The following DCAF8L2 variants were observed in gnomAD, a reference collection of about 807,000 sequenced individuals.
DCAF8L2 encodes DDB1 and CUL4 associated factor 8 like 2.
For synonymous variants in DCAF8L2, 200 were observed against 190.9 expected, an observed-to-expected ratio of 1.05 and a Z score of -0.39; for missense variants, 430 against 490.7, an observed-to-expected ratio of 0.88 and a Z score of 1.17.
the DCAF8L2 span, among the ~76,000 whole-genome samples, chrX:27,582,011 T>A: frequency 1.8e-5 from 2 of 112,483 alleles, no homozygotes; most frequent in African/African-American, 6.5e-5. Flanking sequence ...AGTTGTTCAC[T>A]TGAAGTAGTA....
chrX:27,487,178 C>T, the DCAF8L2 span, among the ~76,000 whole-genome samples: 1 of 112,348 alleles, frequency 8.9e-6, no homozygotes, highest in Non-Finnish European at 1.9e-5. Context: ...TTTTGCTATA[C>T]TTATATTAAT....
chrX:27,576,819 C>G, the DCAF8L2 span, among the ~76,000 whole-genome samples: 1 of 111,825 alleles, frequency 8.9e-6, no homozygotes, highest in Non-Finnish European at 1.9e-5. Context: ...AAGAAATAAA[C>G]TGTCCATTAT....
At chrX:27,743,282 A>C (rs1215526274) in intron 4 of DCAF8L2, among the ~76,000 whole-genome samples, 1 of 110,595 alleles carries the variant, frequency 9.0e-6, no homozygotes, top group East Asian at 2.9e-4. Flanking sequence ...CACATTTTAA[A>C]CAGTATTTCA....
chrX:27,496,955 A>C, the DCAF8L2 span, among the ~76,000 whole-genome samples: 21 of 112,286 alleles, frequency 1.9e-4, no homozygotes, highest in African/African-American at 6.8e-4. Context: ...CCAATGTCAA[A>C]AGGTTATTTT....
At chrX:27,513,958 G>T in the DCAF8L2 span, among the ~76,000 whole-genome samples, 3 of 111,736 alleles carry the variant, frequency 2.7e-5, no homozygotes, top group Admixed American at 9.5e-5. Context: ...GTTCCTCAAA[G>T]AATTAAAAAT....
At chrX:27,485,503 A>G in the DCAF8L2 span, among the ~76,000 whole-genome samples, 1 of 111,654 alleles carries the variant, frequency 9.0e-6, no homozygotes, top group Non-Finnish European at 1.9e-5. Flanking sequence ...TAGTGGTTAT[A>G]TCATCATCTG....
chrX:27,587,154 T>A (rs1347548212), upstream of DCAF8L2, among the ~76,000 whole-genome samples: 34 of 111,674 alleles, frequency 3.0e-4, no homozygotes, highest in Admixed American at 3.3e-3. Flanking sequence ...GAAGGATTTT[T>A]AATAATAACC....
chrX:27,597,693 T>C (rs1001358210), intron 1 of DCAF8L2, among the ~76,000 whole-genome samples: 3 of 112,376 alleles, frequency 2.7e-5, no homozygotes, highest in African/African-American at 9.7e-5. Context: ...CAATTCTTTA[T>C]GCAGTACACC....
intron 3 of DCAF8L2, among the ~76,000 whole-genome samples, chrX:27,689,236 CTGAT>C (rs952700199): frequency 1.3e-4 from 14 of 111,913 alleles, no homozygotes; most frequent in East Asian, 2.8e-4. Flanking sequence ...GATTGATTGA[CTGAT>C]TGATTGATTG....
chrX:27,689,401 C>T (rs1219223610), intron 3 of DCAF8L2, among the ~76,000 whole-genome samples: 4 of 111,928 alleles, frequency 3.6e-5, no homozygotes, highest in Non-Finnish European at 7.5e-5. Context: ...CACACCACCA[C>T]ACCCAGCTAA....
chrX:27,541,026 G>C, the DCAF8L2 span, among the ~76,000 whole-genome samples: 1 of 111,952 alleles, frequency 8.9e-6, no homozygotes, highest in South Asian at 3.7e-4. Context: ...CCAAAATATT[G>C]TAGGGGCCAA....
the DCAF8L2 span, chrX:27,519,063 A>G: frequency 1.4e-5 from 15 of 1,045,689 alleles, no homozygotes; most frequent in East Asian, 4.5e-4. Flanking sequence ...TTGAAGTACA[A>G]CAGATGAAGT....
At chrX:27,670,824 C>T (rs1294784484) in intron 2 of DCAF8L2, among the ~76,000 whole-genome samples, 3 of 111,468 alleles carry the variant, frequency 2.7e-5, no homozygotes. Context: ...TCTCCTCCTT[C>T]CTCTCTCATC....
chrX:27,660,617 C>A (rs755313988), intron 2 of DCAF8L2, among the ~76,000 whole-genome samples: 9 of 111,959 alleles, frequency 8.0e-5, no homozygotes, highest in African/African-American at 2.9e-4. Context: ...CATGTGCAGT[C>A]CTCAGGCCAC....
At chrX:27,717,608 T>C (rs980052079) in intron 4 of DCAF8L2, among the ~76,000 whole-genome samples, 12 of 112,333 alleles carry the variant, frequency 1.1e-4, no homozygotes, top group African/African-American at 3.6e-4. Flanking sequence ...TGTTTGAGTT[T>C]CTTGCAGATT....
At chrX:27,658,078 A>T (rs1929419421) in intron 2 of DCAF8L2, among the ~76,000 whole-genome samples, 1 of 112,699 alleles carries the variant, frequency 8.9e-6, no homozygotes, top group Admixed American at 9.4e-5. Context: ...TGTTGGCTTC[A>T]TAGTTTTGCA....
intron 3 of DCAF8L2, among the ~76,000 whole-genome samples, chrX:27,700,867 A>G (rs1379777708): frequency 9.0e-6 from 1 of 111,518 alleles, no homozygotes; most frequent in Admixed American, 9.5e-5. Flanking sequence ...AGCCACCCTA[A>G]ACTTAAATAA....
chrX:27,587,985 A>AAAAAAAAATATATATATATATATAT, upstream of DCAF8L2, among the ~76,000 whole-genome samples: 1 of 22,371 alleles, frequency 4.5e-5, no homozygotes, highest in African/African-American at 9.8e-5. Flanking sequence ...TAAAAAAAAA[A>AAAAAAAAATATATATATATATATAT]ATATATATAT....
At chrX:27,487,593 A>T in the DCAF8L2 span, among the ~76,000 whole-genome samples, 1 of 112,301 alleles carries the variant, frequency 8.9e-6, no homozygotes, top group Non-Finnish European at 1.9e-5. Flanking sequence ...TTGATTTTAC[A>T]TTTTTGATAT....
Sources: allele counts gnomAD v4.1 joint callset (sites outside exome capture counted in the v4.1 genomes callset), GRCh38; gene constraint gnomAD v4.1.1; transcripts MANE v1.5; gene names NCBI Gene and HGNC (gene_info 2026-07-23, HGNC 2026-07-21).